HYAL3: variants seen among roughly 807,000 people sequenced by gnomAD.
The protein encoded by HYAL3 is hyaluronidase 3.
In HYAL3, 25 loss-of-function variants were observed where a neutral mutation model predicts 29.6. The ratio of observed to expected loss-of-function variants is 0.85; its 90% CI spans 0.62 to 1.18. The LOEUF is 1.18. Ranked by LOEUF, HYAL3 falls within the 50% of genes most tolerant of loss-of-function variation. The probability of loss-of-function intolerance (pLI) is 0.00; values close to 1 mark genes in which losing one functional copy is unlikely to be tolerated. For synonymous variants in HYAL3, 215 were observed against 218.3 expected, an observed-to-expected ratio of 0.99 and a Z score of 0.13; for missense variants, 442 against 548.4, an observed-to-expected ratio of 0.81 and a Z score of 1.94.
At position 50,297,031 on chromosome 3, in the gene HYAL3, G is replaced by A. The variant is rs201512291; in HGVS notation, c.-17-1412C>T. Reference sequence around the variant, plus strand: ...CCAAAGCCACGGCCCCTCAGGGCCCGGGCCACCACCACTGTCTCCACTAAG... The same window carrying A: ...CCAAAGCCACGGCCCCTCAGGGCCCAGGCCACCACCACTGTCTCCACTAAG... On this transcript the variant is annotated intron_variant, in intron 1 of 3. Coordinates refer to ENST00000336307, the MANE Select transcript of HYAL3 (RefSeq NM_003549.4). This position sits in a 1 kb window ranked among gnomAD's most constrained non-coding sequence, Gnocchi z 4.3. The A allele has an allele frequency of 5.2e-3, 7,989 of 1,540,522 alleles. 26 individuals carry two copies. The highest frequency in any genetic ancestry group is 6.0e-3 in the Non-Finnish European group (6,855 of 1,147,112).
At chr3:50,298,884 G>A (rs782530073) in intron 1 of HYAL3, 14 of 1,315,200 alleles carry the variant, frequency 1.1e-5, no homozygotes, top group Non-Finnish European at 1.4e-5. Flanking sequence ...CCCAGGATCC[G>A]CCCCTAGGGC....
rs77944398 is a variant in HYAL3 at position 50,297,081 on chromosome 3, C to A, written c.-17-1462G>T. 1 of 1,539,198 alleles carries A rather than the reference C, an allele frequency of 6.5e-7. No homozygotes were observed. The highest frequency in any genetic ancestry group is 8.8e-7 in the Non-Finnish European group (1 of 1,142,724). ...GAGGCTCTGGGGCTGGTTCAGCACCCGTGACAGGCGGGCATGGCCCACCAC... is the reference window on the plus strand; with the variant it reads ...GAGGCTCTGGGGCTGGTTCAGCACCAGTGACAGGCGGGCATGGCCCACCAC... On this transcript the variant is annotated intron_variant, in intron 1 of 3. Coordinates refer to ENST00000336307, the MANE Select transcript of HYAL3 (RefSeq NM_003549.4). This position sits in a 1 kb window ranked among gnomAD's most constrained non-coding sequence, Gnocchi z 4.3.
chr3:50,298,682 C>T, intron 1 of HYAL3: 1 of 884,470 alleles, frequency 1.1e-6, no homozygotes, highest in Non-Finnish European at 1.4e-6. Context: ...GAGCCCCCTC[C>T]TTCTACTCAC....
rs1446257857 is a variant in HYAL3, at chr3:50,297,819, G to A, written c.-18+1394C>T. 3 of 1,141,906 alleles carry A rather than the reference G, an allele frequency of 2.6e-6. No individual in the cohort carries two copies. Among genetic ancestry groups the A allele is most frequent in the Non-Finnish European group, 3.2e-6 (3 of 929,858 alleles). The allele number at this position is 1,141,906 out of a possible 1,614,324, so 70.7% of individuals were successfully genotyped here. On this transcript the variant is annotated intron_variant, in intron 1 of 3. Transcript: ENST00000336307. This position sits in a 1 kb window ranked among gnomAD's most constrained non-coding sequence, Gnocchi z 4.3. ...GTCCCACACTCACCTGATAGCACAG[G>A]TGACCTGGAAGAGACCCATCCCCTA...
Position 50,292,955 on chromosome 3 carries a change from G to T in HYAL3, c.*291C>A, listed in dbSNP as rs1553710222. On this transcript the variant is annotated 3_prime_UTR_variant, in exon 4 of 4. Transcript: ENST00000336307. ...CGGCCCATCTGTGACCTCTCCATGG[G>T]CTTAGTGAGGTGTAGGCACAAAGCC... 1 of 1,539,310 alleles carries T rather than the reference G, an allele frequency of 6.5e-7. No homozygotes were observed. The highest frequency in any genetic ancestry group is 1.4e-5 in the African/African-American group (1 of 74,006).
In HYAL3 at chr3:50,297,965, C is replaced by A. The variant is rs1333510195; in HGVS notation, c.-18+1248G>T. 9.1e-6 allele frequency: 9 copies of A among 988,558 alleles called. No homozygotes were observed. The highest frequency in any genetic ancestry group is 1.1e-5 in the Non-Finnish European group (9 of 832,372). 61.2% of individuals were successfully genotyped at this position (988,558 alleles called of 1,614,324 possible). ...TCCTGGCCCCAGCCTGCTCTGGCTA[C>A]AAATTTGTCCTCCTCAGGACCTCCC... On this transcript the variant is annotated intron_variant, in intron 1 of 3. Transcript: ENST00000336307. The surrounding 1 kb of genome is among the most constrained non-coding windows in gnomAD (Gnocchi z 4.3).
chr3:50,293,420 C>G lies in HYAL3; in HGVS notation c.1080G>C (p.Arg360=). 1 of 1,613,684 alleles carries G rather than the reference C, an allele frequency of 6.2e-7. No individual in the cohort carries two copies. The highest frequency in any genetic ancestry group is 8.5e-7 in the Non-Finnish European group (1 of 1,180,026). Residue 360 remains arginine (R), a synonymous_variant, in exon 4 of 4, where the codon CGG becomes CGC. Transcript: ENST00000336307. ...TRAAMACSHQ[R]CHGHGRCARR... ...GGGCACAGCGCCCGTGGCCATGGCA[C>G]CGCTGGTGACTGCAGGCCATCGCTG...
chr3:50,297,905 G>T lies in HYAL3; in HGVS notation c.-18+1308C>A. 1 of 1,000,552 alleles carries T rather than the reference G, an allele frequency of 1.0e-6. No homozygotes were observed. The highest frequency in any genetic ancestry group is 1.1e-4 in the East Asian group (1 of 9,450). 62.0% of individuals were successfully genotyped at this position (1,000,552 alleles called of 1,614,324 possible). ...CATTGGAGGGAGGCTGGGAGTGATG[G>T]ATGAGCTGCTTAAGGCTGGGGCAGA... On this transcript the variant is annotated intron_variant, in intron 1 of 3. Coordinates refer to ENST00000336307, the MANE Select transcript of HYAL3 (RefSeq NM_003549.4). The surrounding 1 kb of genome is among the most constrained non-coding windows in gnomAD (Gnocchi z 4.3).
In HYAL3 at chr3:50,297,114, G is replaced by C; in HGVS notation, c.-17-1495C>G. ...GCGGGCATGGCCCACCACAACGGGT[G>C]CTGCTTCAAGTGTGGGGTGGGGGCT... On this transcript the variant is annotated intron_variant, in intron 1 of 3. Coordinates refer to ENST00000336307, the MANE Select transcript of HYAL3 (RefSeq NM_003549.4). This position sits in a 1 kb window ranked among gnomAD's most constrained non-coding sequence, Gnocchi z 4.3. The C allele has an allele frequency of 1.9e-6, 3 of 1,559,740 alleles. No individual in the cohort carries two copies. Among genetic ancestry groups the C allele is most frequent in the Non-Finnish European group, 2.6e-6 (3 of 1,151,192 alleles).
At position 50,295,510 on chromosome 3, in the gene HYAL3, G is replaced by A. The variant is rs1701810269; in HGVS notation, c.93C>T (p.Phe31=). 6.3e-7 allele frequency: 1 copy of A among 1,599,606 alleles called. No individual in the cohort carries two copies. The highest frequency in any genetic ancestry group is 8.5e-7 in the Non-Finnish European group (1 of 1,173,070). The part of the protein sequence containing the change: ...QPLPQVPERP[F]SVLWNVPSAH... ...CTGAGGGTACATTCCACAGCACAGAGAAGGGGCGTTCAGGGACCTGTGGTA... is the reference window on the plus strand; with the variant it reads ...CTGAGGGTACATTCCACAGCACAGAAAAGGGGCGTTCAGGGACCTGTGGTA... The change falls in exon 2 of 4, where the codon TTC becomes TTT. Residue 31 remains phenylalanine, a synonymous_variant. Coordinates refer to ENST00000336307, the MANE Select transcript of HYAL3 (RefSeq NM_003549.4).
intron 1 of HYAL3, chr3:50,298,938 C>A (rs1446131581): frequency 2.1e-6 from 3 of 1,412,404 alleles, no homozygotes; most frequent in South Asian, 1.5e-5. Context: ...TCAGTGCCGA[C>A]CCCACCCACT....
Position 50,293,486 on chromosome 3 carries a change from C to G in HYAL3, c.1014G>C (p.Leu338=). 1.9e-6 allele frequency: 3 copies of G among 1,613,324 alleles called. No individual in the cohort carries two copies. The highest frequency in any genetic ancestry group is 2.5e-6 in the Non-Finnish European group (3 of 1,179,592). Residue 338 remains leucine, a synonymous_variant, in exon 4 of 4, where the codon CTG becomes CTC. Coordinates refer to ENST00000336307, the MANE Select transcript of HYAL3 (RefSeq NM_003549.4). ...EEECWHLHDY[L]VDTLGPYVIN... ...TCACATAGGGGCCCAAGGTGTCCAC[C>G]AGGTAGTCATGGAGATGCCAGCACT...
Position 50,293,692 on chromosome 3 carries a change from A to G in HYAL3, c.924T>C (p.Ser308=), listed in dbSNP as rs781824008. 2 of 1,613,738 alleles carry G rather than the reference A, an allele frequency of 1.2e-6. No individual in the cohort carries two copies. Among genetic ancestry groups the G allele is most frequent in the South Asian group, 2.2e-5 (2 of 91,086 alleles). ...QDDLVQSIGV[S]AALGAAGVVL... is the part of the protein sequence containing the mutation. ...CCACGCCGGCTGCCCCTAGTGCTGC[A>G]CTCACACCAATGGACTGCACAAGGT... The change falls in exon 3 of 4, where the codon AGT becomes AGC. Residue 308 remains serine, a synonymous_variant. Coordinates refer to ENST00000336307, the MANE Select transcript of HYAL3 (RefSeq NM_003549.4).
chr3:50,293,733 G>A lies in HYAL3; in HGVS notation c.895-12C>T. On this transcript the variant is annotated splice_polypyrimidine_tract_variant and intron_variant, in intron 2 of 3. Coordinates refer to ENST00000336307, the MANE Select transcript of HYAL3 (RefSeq NM_003549.4). The stretch of plus-strand genomic sequence containing the variant: ...TGCACAAGGTCATCCTGGAGGCAGA[G>A]AGCTGCTAAGCCAGTGCTGGGCTGG... The A allele has an allele frequency of 6.2e-7, 1 of 1,612,956 alleles. No individual in the cohort carries two copies. Among genetic ancestry groups the A allele is most frequent in the Non-Finnish European group, 8.5e-7 (1 of 1,179,510 alleles).
At chr3:50,298,220 T>G in intron 1 of HYAL3, 1 of 614,390 alleles carries the variant, frequency 1.6e-6, no homozygotes, top group Non-Finnish European at 2.0e-6. Flanking sequence ...CTCCTCCAGC[T>G]CCCAGCCTTT....
Position 50,297,839 on chromosome 3 carries a change from C to G in HYAL3, c.-18+1374G>C, listed in dbSNP as rs1376982313. 2.7e-6 allele frequency: 3 copies of G among 1,093,218 alleles called. No homozygotes were observed. The African/African-American group carries it at 4.9e-5, about 18-fold the overall frequency. 67.7% of individuals were successfully genotyped at this position (1,093,218 alleles called of 1,614,324 possible). A position where few individuals can be genotyped will look rare whatever the true frequency, so the allele number is the denominator to read the frequency against. ...CACAGGTGACCTGGAAGAGACCCATCCCCTATAGAGCAGGGCAGATAGATC... is the reference window on the plus strand; with the variant it reads ...CACAGGTGACCTGGAAGAGACCCATGCCCTATAGAGCAGGGCAGATAGATC... On this transcript the variant is annotated intron_variant, in intron 1 of 3. Coordinates refer to ENST00000336307, the MANE Select transcript of HYAL3 (RefSeq NM_003549.4). This position sits in a 1 kb window ranked among gnomAD's most constrained non-coding sequence, Gnocchi z 4.3.
In HYAL3 at chr3:50,293,631, C is replaced by T. The variant is rs1701741424; in HGVS notation, c.984+1G>A. ...GGCAGGCTCAAAGGGGCAATGATCA[C>T]CTCAGAGCTGGAGAGGCTCAGGTCC... is the stretch of plus-strand genomic sequence containing the variant. On this transcript the variant is annotated splice_donor_variant, in intron 3 of 3. Coordinates refer to ENST00000336307, the MANE Select transcript of HYAL3 (RefSeq NM_003549.4). LOFTEE classifies it high-confidence loss of function. 1 of 1,613,742 alleles carries T rather than the reference C, an allele frequency of 6.2e-7. No homozygotes were observed. The highest frequency in any genetic ancestry group is 1.3e-5 in the African/African-American group (1 of 74,946).
chr3:50,299,368 G>A lies in HYAL3; in HGVS notation c.-173C>T, dbSNP rs1257378627. On this transcript the variant is annotated 5_prime_UTR_variant, in exon 1 of 4. In the 5' UTR this introduces an upstream ATG that the reference lacks. Coordinates refer to ENST00000336307, the MANE Select transcript of HYAL3 (RefSeq NM_003549.4). ...GTCGCGTCCTGCGGCACGCCACGGC[G>A]TTCTAAGGCCTCCCAGCACCCGCGC... 8 of 1,512,948 alleles carry A rather than the reference G, an allele frequency of 5.3e-6. No homozygotes were observed. The Middle Eastern group carries it at 8.4e-4, about 158-fold the overall frequency. 93.7% of individuals were successfully genotyped at this position (1,512,948 alleles called of 1,614,324 possible). A position where few individuals can be genotyped will look rare whatever the true frequency, so the allele number is the denominator to read the frequency against.
intron 1 of HYAL3, chr3:50,298,776 C>A: frequency 9.4e-7 from 1 of 1,068,378 alleles, no homozygotes; most frequent in Non-Finnish European, 1.1e-6. Context: ...AGGCACCCCC[C>A]TCCCCTCACC....
Sources: allele counts gnomAD v4.1 joint callset, GRCh38; gene constraint gnomAD v4.1.1; non-coding constraint Gnocchi (gnomAD v3.1); transcripts MANE v1.5; gene names NCBI Gene and HGNC (gene_info 2026-07-23, HGNC 2026-07-21).